Variants in CSMD1 observed in about 807,000 individuals in gnomAD.
CSMD1 encodes CUB and Sushi multiple domains 1.
Under a neutral mutation model 417.5 loss-of-function variants are expected in CSMD1, and 213 were observed. The ratio of observed to expected loss-of-function variants is 0.51; its 90% CI spans 0.46 to 0.57. The LOEUF (loss-of-function observed/expected upper bound fraction) is 0.57. Among genes scored for constraint, CSMD1 ranks in the 20% least tolerant of loss-of-function variants. The pLI is 0.00. For missense variants in CSMD1, 6,923 were observed against 4,529.7 expected, an observed-to-expected ratio of 1.53 and a Z score of -15.17; for synonymous variants, 2,862 against 1,736.8, an observed-to-expected ratio of 1.65 and a Z score of -16.11.
chr8:4,919,886 G>T (rs1213435020), intron 1 of CSMD1, among the ~76,000 whole-genome samples: 1 of 152,000 alleles, frequency 6.6e-6, no homozygotes, highest in African/African-American at 2.4e-5. Flanking sequence ...CCCTCCAGAG[G>T]GTGCAGCAAC....
intron 1 of CSMD1, among the ~76,000 whole-genome samples, chr8:4,753,403 C>CCCCA (rs1157298367): frequency 7.3e-6 from 1 of 137,808 alleles, no homozygotes; most frequent in African/African-American, 3.0e-5. Context: ...CCACCATAAA[C>CCCCA]CACACACACA....
At chr8:4,606,179 T>A (rs755531682) in intron 2 of CSMD1, among the ~76,000 whole-genome samples, 11 of 152,202 alleles carry the variant, frequency 7.2e-5, no homozygotes, top group Admixed American at 5.9e-4. Context: ...TAACTGTCAC[T>A]GGGCACTGCA....
intron 3 of CSMD1, among the ~76,000 whole-genome samples, chr8:4,369,893 C>A (rs1267899835): frequency 6.6e-6 from 1 of 152,072 alleles, no homozygotes; most frequent in Non-Finnish European, 1.5e-5. Context: ...CCCAACTTTC[C>A]ATTTGGGTAA....
At position 3,537,820 on chromosome 8, in the gene CSMD1, G is replaced by A. The variant is rs571175373; in HGVS notation, c.1344+37125C>T. Among the ~76,000 whole-genome samples the A allele has an allele frequency of 2.6e-5, 4 of 152,286 alleles. No homozygotes were observed. In the South Asian group the frequency reaches 6.2e-4, roughly 24 times the overall value. ...ATCCATAGCACTTGGCACAAACTTGGTCAAATGTTACAGACACAATAAATA... is the reference window on the plus strand; with the variant it reads ...ATCCATAGCACTTGGCACAAACTTGATCAAATGTTACAGACACAATAAATA... On this transcript the variant is annotated intron_variant, in intron 10 of 69. Coordinates refer to ENST00000635120, the MANE Select transcript of CSMD1 (RefSeq NM_033225.6).
chr8:3,237,879 TATAAA>T (rs1563171920), intron 26 of CSMD1, among the ~76,000 whole-genome samples: 6 of 130,926 alleles, frequency 4.6e-5, no homozygotes, highest in South Asian at 2.4e-4. Flanking sequence ...ATAATTATAC[TATAAA>T]TATAATTTTT....
intron 5 of CSMD1, among the ~76,000 whole-genome samples, chr8:3,890,950 G>A (rs535156184): frequency 4.1e-4 from 61 of 150,616 alleles, no homozygotes; most frequent in South Asian, 1.0e-3. Context: ...ACTCTCATAC[G>A]ACTCTCTCAA....
chr8:4,947,642 G>C (rs1344222246), intron 1 of CSMD1, among the ~76,000 whole-genome samples: 1 of 152,012 alleles, frequency 6.6e-6, no homozygotes. Context: ...CCCAGTGACA[G>C]ATAACCACTT....
rs772615494 is a variant in CSMD1 at position 3,348,022 on chromosome 8, G to A, written c.3444C>T (p.Ser1148=). The A allele has an allele frequency of 3.1e-6, 5 of 1,606,002 alleles. No individual in the cohort carries two copies. The highest frequency in any genetic ancestry group is 3.3e-4 in the Middle Eastern group (2 of 6,066). ...AGKGIHLRTR[S]FQLFEGDTLK... ...GAGTATCTCCTTCAAACAGCTGGAA[G>A]CTTCGTGTTCTAAGGTGGATGCCCT... is the stretch of plus-strand genomic sequence containing the variant. The change falls in exon 22 of 70, where the codon AGC becomes AGT. Residue 1148 remains serine, a synonymous_variant. Coordinates refer to ENST00000635120, the MANE Select transcript of CSMD1 (RefSeq NM_033225.6).
intron 10 of CSMD1, among the ~76,000 whole-genome samples, chr8:3,500,001 G>C (rs1796529792): frequency 6.6e-6 from 1 of 152,070 alleles, no homozygotes; most frequent in South Asian, 2.1e-4. Context: ...TGAGGCCTGT[G>C]GGGGCTTTTC....
At chr8:3,912,817 T>A (rs1047160021) in intron 5 of CSMD1, among the ~76,000 whole-genome samples, 1 of 152,126 alleles carries the variant, frequency 6.6e-6, no homozygotes, top group African/African-American at 2.4e-5. Context: ...ATGGTAGGAT[T>A]TTATGATTTA....
chr8:4,915,072 C>T (rs1005008048), intron 1 of CSMD1, among the ~76,000 whole-genome samples: 1 of 152,084 alleles, frequency 6.6e-6, no homozygotes, highest in Non-Finnish European at 1.5e-5. Context: ...TAAATACACT[C>T]GGTTTCTCAG....
At chr8:4,145,302 T>A (rs1804043627) in intron 3 of CSMD1, among the ~76,000 whole-genome samples, 3 of 151,074 alleles carry the variant, frequency 2.0e-5, no homozygotes, top group Non-Finnish European at 2.9e-5. Flanking sequence ...TGTTGAGAAC[T>A]TTATGGTACT....
intron 1 of CSMD1, chr8:4,787,815 T>A: frequency 6.4e-7 from 1 of 1,574,554 alleles, no homozygotes; most frequent in Non-Finnish European, 8.7e-7. Context: ...TGAGTCATGC[T>A]ACACAGGCTA....
chr8:3,053,305 C>T (rs1811993518), intron 49 of CSMD1, among the ~76,000 whole-genome samples: 1 of 152,124 alleles, frequency 6.6e-6, no homozygotes, highest in African/African-American at 2.4e-5. Context: ...TCAACTTCAT[C>T]TCATATTGGA....
chr8:3,713,399 A>G (rs1425409595), intron 6 of CSMD1, among the ~76,000 whole-genome samples: 1 of 152,120 alleles, frequency 6.6e-6, no homozygotes, highest in Admixed American at 6.5e-5. Flanking sequence ...AACTATTGCT[A>G]CTTGATGCCA....
At chr8:4,012,071 T>C (rs1163661930) in intron 4 of CSMD1, among the ~76,000 whole-genome samples, 1 of 152,170 alleles carries the variant, frequency 6.6e-6, no homozygotes, top group African/African-American at 2.4e-5. Context: ...AGCCATCATA[T>C]GCCTAGCTAT....
intron 16 of CSMD1, among the ~76,000 whole-genome samples, chr8:3,396,671 A>C (rs902303525): frequency 6.6e-6 from 1 of 152,174 alleles, no homozygotes; most frequent in Admixed American, 6.5e-5. Flanking sequence ...GAACCAGATT[A>C]GTTTTCTTAG....
chr8:4,177,403 C>A (rs538659149), intron 3 of CSMD1, among the ~76,000 whole-genome samples: 1 of 151,890 alleles, frequency 6.6e-6, no homozygotes, highest in Non-Finnish European at 1.5e-5. Context: ...ACACAACATA[C>A]CAGAATCTCT....
chr8:4,723,411 T>C (rs1002645252), intron 1 of CSMD1, among the ~76,000 whole-genome samples: 1 of 152,042 alleles, frequency 6.6e-6, no homozygotes, highest in Non-Finnish European at 1.5e-5. Flanking sequence ...AAAAAGAGGG[T>C]TTAATACTTT....
Sources: allele counts gnomAD v4.1 joint callset (sites outside exome capture counted in the v4.1 genomes callset), GRCh38; gene constraint gnomAD v4.1.1; transcripts MANE v1.5; gene names NCBI Gene and HGNC (gene_info 2026-07-23, HGNC 2026-07-21).